The following CAAP1 variants were observed in gnomAD, a reference collection of about 807,000 sequenced individuals.
The protein encoded by CAAP1 is conserved anti-apoptotic protein.
Under a neutral mutation model 34.0 loss-of-function variants are expected in CAAP1, and 20 were observed. The observed-to-expected ratio is 0.59, with a 90% CI of 0.41 to 0.86. The LOEUF (loss-of-function observed/expected upper bound fraction) is 0.86, where lower values mean the gene tolerates loss of function less well. CAAP1 is among the 40% of genes least tolerant of loss of function. The pLI, the probability that CAAP1 is intolerant of heterozygous loss-of-function variation, is 0.00. For missense variants in CAAP1, 538 were observed against 450.5 expected, an observed-to-expected ratio of 1.19 and a Z score of -1.76; for synonymous variants, 213 against 166.7, an observed-to-expected ratio of 1.28 and a Z score of -2.14.
intron 3 of CAAP1, 64 bp downstream of exon 3, chr9:26,886,040 A>C (rs1281713186): frequency 1.4e-6 from 1 of 696,966 alleles, no homozygotes; most frequent in Non-Finnish European, 2.2e-6. Context: ...AGAATACCTC[A>C]GGATTTATGC....
At position 26,858,765 on chromosome 9, in the gene CAAP1, G is replaced by C. The variant is rs1587098725; in HGVS notation, c.739+2301C>G. 1.3e-5 allele frequency among the ~76,000 whole-genome samples: 2 copies of C among 151,262 alleles called. 1 individual carries two copies. Among genetic ancestry groups the C allele is most frequent in the East Asian group, 3.9e-4 (2 of 5,128 alleles). The stretch of plus-strand genomic sequence containing the variant: ...GTGAACCTGGGAGGTGGAGCTTGCA[G>C]TGAGCTGATATTGCACCACTGCACT... On this transcript the variant is annotated intron_variant, in intron 5 of 5. Coordinates refer to ENST00000333916, the MANE Select transcript of CAAP1 (RefSeq NM_024828.4).
intron 4 of CAAP1, among the ~76,000 whole-genome samples, chr9:26,868,531 C>T (rs557527324): frequency 6.6e-6 from 1 of 152,288 alleles, no homozygotes; most frequent in African/African-American, 2.4e-5. Flanking sequence ...CTGATTTTCA[C>T]TTCTGACCTC....
intron 4 of CAAP1, chr9:26,870,059 T>A (rs866448384): frequency 5.1e-5 from 21 of 414,266 alleles, no homozygotes; most frequent in African/African-American, 2.7e-4. Flanking sequence ...TTTTTTTTTT[T>A]AACGCAGATG....
intron 4 of CAAP1, among the ~76,000 whole-genome samples, chr9:26,870,515 G>A (rs1260118329): frequency 2.0e-5 from 3 of 149,296 alleles, no homozygotes; most frequent in Non-Finnish European, 4.5e-5. Context: ...TTCCCAAGAC[G>A]CCTAGATCTC....
At chr9:26,872,409 C>T (rs1823300059) in intron 4 of CAAP1, among the ~76,000 whole-genome samples, 1 of 152,014 alleles carries the variant, frequency 6.6e-6, no homozygotes, top group Admixed American at 6.5e-5. Context: ...TAACTAATAA[C>T]TACATGACAC....
chr9:26,892,731 A>G lies in CAAP1; in HGVS notation c.-16T>C. On this transcript the variant is annotated 5_prime_UTR_variant, in exon 1 of 6. Coordinates refer to ENST00000333916, the MANE Select transcript of CAAP1 (RefSeq NM_024828.4). ...TCCCCGTCATGATCCCTCTGCTGCA[A>G]CCATCGGAGGAAAGTCCGCTGTCTC... The G allele has an allele frequency of 6.4e-7, 1 of 1,567,550 alleles. No individual in the cohort carries two copies. Among genetic ancestry groups the G allele is most frequent in the Non-Finnish European group, 8.6e-7 (1 of 1,161,282 alleles).
intron 4 of CAAP1, chr9:26,880,628 A>G (rs1168602056): frequency 6.5e-6 from 1 of 153,018 alleles, no homozygotes; most frequent in Non-Finnish European, 1.5e-5. Flanking sequence ...AGCCTTGGAG[A>G]GTCACAGTGG....
chr9:26,863,919 G>A (rs968820425), intron 4 of CAAP1, among the ~76,000 whole-genome samples: 1 of 151,954 alleles, frequency 6.6e-6, no homozygotes, highest in Non-Finnish European at 1.5e-5. Flanking sequence ...AGCCTCCCAA[G>A]TAGCTAGGGC....
At chr9:26,854,676 A>G (rs1407800528) in intron 5 of CAAP1, among the ~76,000 whole-genome samples, 1 of 152,220 alleles carries the variant, frequency 6.6e-6, no homozygotes, top group Non-Finnish European at 1.5e-5. Flanking sequence ...ACTGGTATCC[A>G]AAATATATAG....
chr9:26,887,048 T>C (rs1203348049), intron 2 of CAAP1, among the ~76,000 whole-genome samples: 1 of 152,014 alleles, frequency 6.6e-6, no homozygotes, highest in East Asian at 1.9e-4. Flanking sequence ...ACCCCGTCTC[T>C]TAAAAATCCA....
intron 4 of CAAP1, among the ~76,000 whole-genome samples, chr9:26,882,020 G>T (rs1364413800): frequency 6.6e-6 from 1 of 152,184 alleles, no homozygotes; most frequent in African/African-American, 2.4e-5. Context: ...GAACTTGAGG[G>T]AGATGATTTA....
intron 4 of CAAP1, among the ~76,000 whole-genome samples, chr9:26,878,769 C>A (rs1040489011): frequency 6.6e-6 from 1 of 151,786 alleles, no homozygotes; most frequent in African/African-American, 2.4e-5. Flanking sequence ...TGAGCCAAGA[C>A]TGCACACCGT....
At chr9:26,892,134 G>T in intron 1 of CAAP1, 2 of 737,514 alleles carry the variant, frequency 2.7e-6, no homozygotes, top group Non-Finnish European at 4.1e-6. Context: ...TATTCTTCCG[G>T]CAGAGTGAAA....
intron 4 of CAAP1, among the ~76,000 whole-genome samples, chr9:26,883,186 G>T (rs369094024): frequency 7.9e-5 from 12 of 152,154 alleles, no homozygotes; most frequent in Non-Finnish European, 2.9e-5. Flanking sequence ...ATTTGGAAGG[G>T]GCCGGGGCAG....
intron 4 of CAAP1, among the ~76,000 whole-genome samples, chr9:26,876,453 C>T (rs895080682): frequency 1.4e-5 from 2 of 145,472 alleles, no homozygotes; most frequent in African/African-American, 5.0e-5. Flanking sequence ...ATTATTCTAT[C>T]ATATATGCAT....
intron 5 of CAAP1, among the ~76,000 whole-genome samples, chr9:26,851,144 T>A (rs1822741331): frequency 6.6e-6 from 1 of 152,244 alleles, no homozygotes; most frequent in South Asian, 2.1e-4. Context: ...GACACAGGTT[T>A]TGCCTTCACA....
intron 1 of CAAP1, among the ~76,000 whole-genome samples, chr9:26,888,592 C>G (rs938879118): frequency 6.6e-6 from 1 of 152,168 alleles, no homozygotes; most frequent in Non-Finnish European, 1.5e-5. Context: ...GTAAAAGAAT[C>G]AGCACTTGTT....
At chr9:26,847,261 C>T (rs1051391720) in intron 5 of CAAP1, among the ~76,000 whole-genome samples, 1 of 115,532 alleles carries the variant, frequency 8.7e-6, no homozygotes, top group Non-Finnish European at 1.6e-5. Context: ...GTCACCCAGG[C>T]TGGAGTGCAG....
intron 5 of CAAP1, among the ~76,000 whole-genome samples, chr9:26,851,957 G>A (rs190575384): frequency 8.8e-4 from 134 of 152,206 alleles, no homozygotes; most frequent in African/African-American, 2.9e-3. Flanking sequence ...TGTTTCCTGT[G>A]GCACTGCTTT....
Sources: allele counts gnomAD v4.1 joint callset (sites outside exome capture counted in the v4.1 genomes callset), GRCh38; gene constraint gnomAD v4.1.1; transcripts MANE v1.5; gene names NCBI Gene and HGNC (gene_info 2026-07-23, HGNC 2026-07-21).